Variants in SLC35F4 observed in about 807,000 individuals in gnomAD.
SLC35F4 encodes chromosome 14 open reading frame 36.
SLC35F4 carries 24 observed loss-of-function variants against 44.2 expected under a neutral mutation model. The observed-to-expected ratio is 0.54, with a 90% CI of 0.39 to 0.76. The LOEUF is 0.76. SLC35F4 is among the 30% of genes least tolerant of loss of function. The pLI is 0.00. For missense variants in SLC35F4, 562 were observed against 586.1 expected (o/e 0.96, Z 0.42); for synonymous variants, 238 against 223.6 (o/e 1.06, Z -0.57).
At chr14:57,570,235 T>G (rs1366715139) in intron 5 of SLC35F4, among the ~76,000 whole-genome samples, 1 of 152,178 alleles carries the variant, frequency 6.6e-6, no homozygotes, top group African/African-American at 2.4e-5. Context: ...ACATTGTGTT[T>G]AGTGCCACCA....
intron 1 of SLC35F4, among the ~76,000 whole-genome samples, chr14:57,599,759 G>A (rs530447511): frequency 4.8e-5 from 7 of 144,778 alleles, no homozygotes; most frequent in East Asian, 4.1e-4. Context: ...CTAAGATCAC[G>A]CCATTGCACT....
At chr14:57,811,752 C>A (rs182859565) in intron 1 of SLC35F4, among the ~76,000 whole-genome samples, 2 of 152,160 alleles carry the variant, frequency 1.3e-5, no homozygotes, top group Non-Finnish European at 2.9e-5. Flanking sequence ...CTGCAGTAAA[C>A]GTTCTCCAAT....
chr14:57,708,724 C>G (rs560113558), intron 1 of SLC35F4, among the ~76,000 whole-genome samples: 1 of 152,188 alleles, frequency 6.6e-6, no homozygotes, highest in South Asian at 2.1e-4. Flanking sequence ...CCCAGGGGAC[C>G]ACTACCACCA....
intron 1 of SLC35F4, among the ~76,000 whole-genome samples, chr14:57,926,735 GGGT>G (rs1225622145): frequency 3.5e-5 from 5 of 141,088 alleles, no homozygotes; most frequent in Admixed American, 7.0e-5. Flanking sequence ...TGGGGGGGGG[GGGT>G]GGATATATAT....
At chr14:57,681,105 C>T (rs1373688434) in intron 1 of SLC35F4, among the ~76,000 whole-genome samples, 2 of 152,054 alleles carry the variant, frequency 1.3e-5, no homozygotes, top group African/African-American at 4.8e-5. Context: ...AGCCATCACG[C>T]TACTGACTTC....
downstream of SLC35F4, among the ~76,000 whole-genome samples, chr14:57,975,767 T>C (rs1240986201): frequency 2.0e-5 from 3 of 152,116 alleles, no homozygotes; most frequent in East Asian, 1.9e-4. Context: ...CTTTTGAAGG[T>C]TGTGGTTGAA....
intron 1 of SLC35F4, among the ~76,000 whole-genome samples, chr14:57,877,426 C>T (rs1888420701): frequency 6.6e-6 from 1 of 152,088 alleles, no homozygotes; most frequent in Admixed American, 6.6e-5. Flanking sequence ...AGGTTTATTC[C>T]ATGTCTGCTA....
chr14:57,789,049 T>G (rs745920798), intron 1 of SLC35F4, among the ~76,000 whole-genome samples: 2 of 152,074 alleles, frequency 1.3e-5, no homozygotes, highest in African/African-American at 2.4e-5. Context: ...AATGCCTACA[T>G]GAGAAAGTGG....
chr14:57,626,366 A>C (rs536824743), intron 1 of SLC35F4, among the ~76,000 whole-genome samples: 2 of 79,508 alleles, frequency 2.5e-5, no homozygotes, highest in East Asian at 4.4e-4. Context: ...ATAAATCTGT[A>C]AAATGGCAAA....
chr14:57,797,764 T>C (rs933358592), intron 1 of SLC35F4, among the ~76,000 whole-genome samples: 1 of 152,102 alleles, frequency 6.6e-6, no homozygotes, highest in Non-Finnish European at 1.5e-5. Context: ...GGGTGATAAG[T>C]AGAATTCTTG....
At chr14:57,827,823 A>G (rs1883953087) in intron 1 of SLC35F4, among the ~76,000 whole-genome samples, 1 of 152,142 alleles carries the variant, frequency 6.6e-6, no homozygotes, top group Admixed American at 6.6e-5. Context: ...AAAAACAGTA[A>G]ATAAGTAACT....
chr14:57,649,817 G>A lies in SLC35F4; in HGVS notation c.104-55693C>T, dbSNP rs371341020. The stretch of plus-strand genomic sequence containing the variant: ...CAAATCCCCCAAAATTTACCAAAGA[G>A]AACTCATGACTCCATACTGAATCCA... On this transcript the variant is annotated intron_variant, in intron 1 of 7. Transcript: ENST00000556826. 3.4e-4 allele frequency among the ~76,000 whole-genome samples: 52 copies of A among 150,744 alleles called. 1 individual carries two copies. Among genetic ancestry groups the A allele is most frequent in the African/African-American group, 1.2e-3 (51 of 41,056 alleles).
chr14:57,592,733 C>T (rs552807374), intron 2 of SLC35F4, among the ~76,000 whole-genome samples: 47 of 152,250 alleles, frequency 3.1e-4, no homozygotes, highest in Admixed American at 1.5e-3. Context: ...GGACCCTAGA[C>T]GAAGCTTTCA....
intron 1 of SLC35F4, among the ~76,000 whole-genome samples, chr14:57,900,050 G>A (rs1033440075): frequency 6.6e-6 from 1 of 152,072 alleles, no homozygotes; most frequent in Non-Finnish European, 1.5e-5. Context: ...GCCTCCCTGC[G>A]ATTGGCTACT....
chr14:57,895,492 C>A (rs1041237399), intron 1 of SLC35F4, among the ~76,000 whole-genome samples: 1 of 151,914 alleles, frequency 6.6e-6, no homozygotes, highest in African/African-American at 2.4e-5. Context: ...AAGATTTCCC[C>A]CTTGCTGTTC....
intron 1 of SLC35F4, among the ~76,000 whole-genome samples, chr14:57,729,933 C>T (rs1247482466): frequency 6.6e-6 from 1 of 152,186 alleles, no homozygotes; most frequent in Non-Finnish European, 1.5e-5. Context: ...AAAATGTTCC[C>T]TTCATACACA....
intron 1 of SLC35F4, among the ~76,000 whole-genome samples, chr14:57,949,895 G>T (rs928616383): frequency 6.6e-6 from 1 of 152,208 alleles, no homozygotes; most frequent in African/African-American, 2.4e-5. Context: ...TGAGAAACCA[G>T]CTGTTAGTCT....
Position 57,720,979 on chromosome 14 carries a change from C to CATATATATATAT in SLC35F4, c.104-126867_104-126856dup, listed in dbSNP as rs3062932. 1.7e-3 allele frequency among the ~76,000 whole-genome samples: 83 copies of CATATATATATAT among 49,792 alleles called. 1 individual carries two copies. The highest frequency in any genetic ancestry group is 2.3e-3 in the Non-Finnish European group (56 of 24,876). 32.7% of individuals were successfully genotyped at this position (49,792 alleles called of 152,430 possible). A position where few individuals can be genotyped will look rare whatever the true frequency, so the allele number is the denominator to read the frequency against. On this transcript the variant is annotated intron_variant, in intron 1 of 7. Coordinates refer to ENST00000556826, the MANE Select transcript of SLC35F4 (RefSeq NM_001306087.2). The stretch of plus-strand genomic sequence containing the variant: ...TGATTGTGTGAGTTAATAAACTCCT[C>CATATATATATAT]ATATATATATATATATATATATATA...
chr14:57,765,746 C>T (rs566906829), intron 1 of SLC35F4, among the ~76,000 whole-genome samples: 62 of 152,114 alleles, frequency 4.1e-4, no homozygotes, highest in African/African-American at 1.3e-3. Flanking sequence ...CCAAAGGAAA[C>T]GTAAAAATCC....
Sources: allele counts gnomAD v4.1 joint callset (sites outside exome capture counted in the v4.1 genomes callset), GRCh38; gene constraint gnomAD v4.1.1; transcripts MANE v1.5; gene names NCBI Gene and HGNC (gene_info 2026-07-23, HGNC 2026-07-21).